The following EMP3 variants were observed in gnomAD, a reference collection of about 807,000 sequenced individuals.
The protein encoded by EMP3 is epithelial membrane protein 3.
A neutral mutation model predicts 21.6 loss-of-function variants in EMP3; 15 were observed. That is an observed-to-expected ratio of 0.69 (90% CI 0.46 to 1.07). The LOEUF (loss-of-function observed/expected upper bound fraction) is 1.07, where lower values mean the gene tolerates loss of function less well. EMP3 is among the 50% of genes least tolerant of loss of function. The pLI, the probability that EMP3 is intolerant of heterozygous loss-of-function variation, is 0.00. For synonymous variants in EMP3, 107 were observed against 86.1 expected (o/e 1.24, Z -1.34); for missense variants, 183 against 206.6 (o/e 0.89, Z 0.70).
At position 48,330,353 on chromosome 19, in the gene EMP3, C is replaced by T. The variant is rs748160340; in HGVS notation, c.375C>T (p.Ile125=). ...TCTATGCCATTCACGCCGAGGAGATCCTGGAGAAGCACCCGCGAGGGGGCA... is the reference window on the plus strand; with the variant it reads ...TCTATGCCATTCACGCCGAGGAGATTCTGGAGAAGCACCCGCGAGGGGGCA... ...ALIYAIHAEE[I]LEKHPRGGSF... The change falls in exon 5 of 5, where the codon ATC becomes ATT. Residue 125 remains isoleucine, a synonymous_variant. Coordinates refer to ENST00000270221, the MANE Select transcript of EMP3 (RefSeq NM_001425.3). The T allele has an allele frequency of 6.2e-7, 1 of 1,607,512 alleles. No individual in the cohort carries two copies. Among genetic ancestry groups the T allele is most frequent in the African/African-American group, 1.3e-5 (1 of 74,358 alleles).
At position 48,326,866 on chromosome 19, in the gene EMP3, G is replaced by A. The variant is rs773843651; in HGVS notation, c.22G>A (p.Val8Ile). 1.6e-4 allele frequency: 253 copies of A among 1,613,858 alleles called. 1 individual carries two copies. The highest frequency in any genetic ancestry group is 2.1e-4 in the Non-Finnish European group (246 of 1,179,990). ...AGCCATGTCACTCCTCTTGCTGGTG[G>A]TCTCAGCCCTTCACATCCTCATTCT... MSLLLLVVSALHILILIL... is the reference protein window; with the variant it reads MSLLLLVISALHILILIL... Residue 8 changes from valine to isoleucine, a missense_variant, in exon 2 of 5, where the codon GTC becomes ATC. Coordinates refer to ENST00000270221, the MANE Select transcript of EMP3 (RefSeq NM_001425.3).
At position 48,326,886 on chromosome 19, in the gene EMP3, C is replaced by A; in HGVS notation, c.42C>A (p.Leu14=). ...TGGTGGTCTCAGCCCTTCACATCCT[C>A]ATTCTTATACTGCTTTTCGTGGCCA... ...LLLVVSALHI[L]ILILLFVATL... Residue 14 remains leucine, a synonymous_variant, in exon 2 of 5, where the codon CTC becomes CTA. Transcript: ENST00000270221. The A allele has an allele frequency of 6.2e-7, 1 of 1,614,120 alleles. No individual in the cohort carries two copies. The highest frequency in any genetic ancestry group is 8.5e-7 in the Non-Finnish European group (1 of 1,179,996).
Position 48,329,531 on chromosome 19 carries a change from T to C in EMP3, c.322+39T>C, listed in dbSNP as rs749027280. ...CTCCCCAACCCTAATCCCCCAAGAA[T>C]TGAGCAGAAGGGAGTGGGGTGTGTC... On this transcript the variant is annotated intron_variant, in intron 4 of 4. Transcript: ENST00000270221. This position sits in a 1 kb window ranked among gnomAD's most constrained non-coding sequence, Gnocchi z 4.5. The C allele has an allele frequency of 6.2e-7, 1 of 1,612,122 alleles. No homozygotes were observed. The highest frequency in any genetic ancestry group is 8.5e-7 in the Non-Finnish European group (1 of 1,178,760).
In EMP3 at chr19:48,330,501, C is replaced by T; in HGVS notation, c.*31C>T. ...CCGCCTCGCTCGGCTGCCCCCGCCC[C>T]TTCCCGGCCCCCCTCGCCGCGCGTC... On this transcript the variant is annotated 3_prime_UTR_variant, in exon 5 of 5. Coordinates refer to ENST00000270221, the MANE Select transcript of EMP3 (RefSeq NM_001425.3). The T allele has an allele frequency of 6.5e-7, 1 of 1,537,584 alleles. No homozygotes were observed.
chr19:48,326,799 T>G, intron 1 of EMP3, 31 bp from the exon 2 acceptor site: 1 of 1,596,208 alleles, frequency 6.3e-7, no homozygotes, highest in African/African-American at 1.3e-5. Flanking sequence ...GCCAACCTCT[T>G]GAGACTCCGT....
At position 48,326,836 on chromosome 19, in the gene EMP3, A is replaced by T. The variant is rs1319503037; in HGVS notation, c.-9A>T. ...CCCTGCTCCCCCTCCCCAGGCTTCC[A>T]CTGCAGCCATGTCACTCCTCTTGCT... On this transcript the variant is annotated 5_prime_UTR_variant, in exon 2 of 5. Transcript: ENST00000270221. The T allele has an allele frequency of 6.2e-7, 1 of 1,613,094 alleles. No homozygotes were observed. Among genetic ancestry groups the T allele is most frequent in the Admixed American group, 1.7e-5 (1 of 59,948 alleles).
rs147560109 is a variant in EMP3 at position 48,330,463 on chromosome 19, G to C, written c.485G>C (p.Arg162Pro). 5 of 1,579,620 alleles carry C rather than the reference G, an allele frequency of 3.2e-6. No homozygotes were observed. In the South Asian group the frequency reaches 5.7e-5, roughly 18 times the overall value. ...ATCATCTACATCCACCTACGGAAGC[G>C]GGAGTGAGCGCCCCGCCTCGCTCGG... ...SGIIYIHLRK[R>P]E is the part of the protein sequence containing the mutation. Residue 162 changes from arginine to proline, a missense_variant, in exon 5 of 5, where the codon CGG (arginine) becomes CCG (proline). Arg to Pro is a moderately radical substitution (Grantham distance 103). Transcript: ENST00000270221.
Position 48,329,870 on chromosome 19 carries a change from T to C in EMP3, c.322+378T>C, listed in dbSNP as rs984160841. Among the ~76,000 whole-genome samples the C allele has an allele frequency of 1.1e-4, 17 of 152,160 alleles. No individual in the cohort carries two copies. The highest frequency in any genetic ancestry group is 4.1e-4 in the African/African-American group (17 of 41,402). On this transcript the variant is annotated intron_variant, in intron 4 of 4. Transcript: ENST00000270221. This position sits in a 1 kb window ranked among gnomAD's most constrained non-coding sequence, Gnocchi z 4.5. ...TAAATCATAATAATAATGGTATTTATATCAGCCAACCGCTGTTTCTTGCGT... is the reference window on the plus strand; with the variant it reads ...TAAATCATAATAATAATGGTATTTACATCAGCCAACCGCTGTTTCTTGCGT...
rs183652438 is a variant in EMP3 at position 48,327,371 on chromosome 19, C to G, written c.79-150C>G. 231 of 644,372 alleles carry G rather than the reference C, an allele frequency of 3.6e-4. 1 individual carries two copies. The East Asian group carries it at 4.7e-3, about 13-fold the overall frequency. The allele number at this position is 644,372 out of a possible 1,614,324, so 39.9% of individuals were successfully genotyped here. On this transcript the variant is annotated intron_variant, in intron 2 of 4. Coordinates refer to ENST00000270221, the MANE Select transcript of EMP3 (RefSeq NM_001425.3). ...CCGATGCCTCCTCCCTGTCCTGACC[C>G]TACCCCCTCTCATATTAAATCCTAA...
rs1569018233 is a variant in EMP3 at position 48,329,308 on chromosome 19, C to T, written c.182-44C>T. ...TGAGCAAGCAGGTGAAGCTGGAACTCTGGACCCACGGTGATGTCCCCCTCT... is the reference window on the plus strand; with the variant it reads ...TGAGCAAGCAGGTGAAGCTGGAACTTTGGACCCACGGTGATGTCCCCCTCT... On this transcript the variant is annotated intron_variant, in intron 3 of 4. Coordinates refer to ENST00000270221, the MANE Select transcript of EMP3 (RefSeq NM_001425.3). This position sits in a 1 kb window ranked among gnomAD's most constrained non-coding sequence, Gnocchi z 4.5. 1 of 1,611,610 alleles carries T rather than the reference C, an allele frequency of 6.2e-7. No individual in the cohort carries two copies. The highest frequency in any genetic ancestry group is 2.2e-5 in the East Asian group (1 of 44,866).
At position 48,329,437 on chromosome 19, in the gene EMP3, C is replaced by T. The variant is rs1969172560; in HGVS notation, c.267C>T (p.Tyr89=). 1.2e-6 allele frequency: 2 copies of T among 1,614,086 alleles called. No individual in the cohort carries two copies. The highest frequency in any genetic ancestry group is 1.7e-6 in the Non-Finnish European group (2 of 1,180,050). ...LSFILFMFQL[Y]TMRRGGLFYA... ...TCATCCTGTTCATGTTCCAGCTCTA[C>T]ACCATGCGACGAGGAGGTCTCTTCT... The change falls in exon 4 of 5, where the codon TAC becomes TAT. Residue 89 remains tyrosine, a synonymous_variant. Coordinates refer to ENST00000270221, the MANE Select transcript of EMP3 (RefSeq NM_001425.3). This position sits in a 1 kb window ranked among gnomAD's most constrained non-coding sequence, Gnocchi z 4.5.
In EMP3 at chr19:48,330,551, C is replaced by T. The variant is rs772609897; in HGVS notation, c.*81C>T. Reference sequence around the variant, plus strand: ...CCTCCAAAAAATAAAACCTTAACCGCGGGCTCTGCCTTGATCTTCCTTCCT... The same window carrying T: ...CCTCCAAAAAATAAAACCTTAACCGTGGGCTCTGCCTTGATCTTCCTTCCT... On this transcript the variant is annotated 3_prime_UTR_variant, in exon 5 of 5. Coordinates refer to ENST00000270221, the MANE Select transcript of EMP3 (RefSeq NM_001425.3). 7.8e-7 allele frequency: 1 copy of T among 1,287,648 alleles called. No homozygotes were observed. The allele number at this position is 1,287,648 out of a possible 1,614,324, so 79.8% of individuals were successfully genotyped here.
chr19:48,329,508 C>T lies in EMP3; in HGVS notation c.322+16C>T. ...CTTTGCACCAGTGAGCACTGCCCCT[C>T]CCCAACCCTAATCCCCCAAGAATTG... On this transcript the variant is annotated intron_variant, in intron 4 of 4. Transcript: ENST00000270221. The surrounding 1 kb of genome is among the most constrained non-coding windows in gnomAD (Gnocchi z 4.5). The T allele has an allele frequency of 6.2e-7, 1 of 1,613,820 alleles. No individual in the cohort carries two copies. Among genetic ancestry groups the T allele is most frequent in the South Asian group, 1.1e-5 (1 of 91,054 alleles).
chr19:48,330,164 G>GC (rs900693729), intron 4 of EMP3, 137 bp from the exon 5 acceptor site: 2 of 1,245,644 alleles, frequency 1.6e-6, no homozygotes, highest in African/African-American at 3.6e-5. Flanking sequence ...GGCGCTGGGC[G>GC]GGGGGGAAAG....
In EMP3 at chr19:48,329,602, A is replaced by C; in HGVS notation, c.322+110A>C. The C allele has an allele frequency of 1.4e-6, 2 of 1,383,408 alleles. No individual in the cohort carries two copies. Among genetic ancestry groups the C allele is most frequent in the Non-Finnish European group, 9.8e-7 (1 of 1,025,600 alleles). The allele number at this position is 1,383,408 out of a possible 1,614,324, so 85.7% of individuals were successfully genotyped here. ...AATGGGCCTCTCGTAGAAAAAAACA[A>C]CTTTCAACACCCCACGAGCCACAAG... is the stretch of plus-strand genomic sequence containing the variant. On this transcript the variant is annotated intron_variant, in intron 4 of 4. Coordinates refer to ENST00000270221, the MANE Select transcript of EMP3 (RefSeq NM_001425.3). This position sits in a 1 kb window ranked among gnomAD's most constrained non-coding sequence, Gnocchi z 4.5.
chr19:48,329,243 C>T lies in EMP3; in HGVS notation c.182-109C>T. 1 of 1,422,624 alleles carries T rather than the reference C, an allele frequency of 7.0e-7. No homozygotes were observed. Among genetic ancestry groups the T allele is most frequent in the Non-Finnish European group, 9.6e-7 (1 of 1,038,232 alleles). The allele number at this position is 1,422,624 out of a possible 1,614,324, so 88.1% of individuals were successfully genotyped here. On this transcript the variant is annotated intron_variant, in intron 3 of 4. Coordinates refer to ENST00000270221, the MANE Select transcript of EMP3 (RefSeq NM_001425.3). The surrounding 1 kb of genome is among the most constrained non-coding windows in gnomAD (Gnocchi z 4.5). ...TCTAAGTATCTAGGCTTGTATGGGC[C>T]TAAACGGGAGCAGGGATGGGGCAGA...
intron 2 of EMP3, 86 bp from the exon 3 acceptor site, chr19:48,327,435 T>G: frequency 1.0e-6 from 1 of 987,648 alleles, no homozygotes; most frequent in Non-Finnish European, 1.6e-6. Flanking sequence ...ACCCTGCCCT[T>G]TTCCCAGCCC....
rs951431133 is a variant in EMP3, at chr19:48,329,850, C to A, written c.322+358C>A. Among the ~76,000 whole-genome samples, 10 of 152,132 alleles carry A rather than the reference C, an allele frequency of 6.6e-5. No individual in the cohort carries two copies. The highest frequency in any genetic ancestry group is 1.3e-4 in the Admixed American group (2 of 15,274). ...AGTACCTCAGTAGAGAGCTCTAAAT[C>A]ATAATAATAATGGTATTTATATCAG... On this transcript the variant is annotated intron_variant, in intron 4 of 4. Transcript: ENST00000270221. This position sits in a 1 kb window ranked among gnomAD's most constrained non-coding sequence, Gnocchi z 4.5.
chr19:48,327,437 T>C (rs1483356832), intron 2 of EMP3, 84 bp from the exon 3 acceptor site: 2 of 996,018 alleles, frequency 2.0e-6, no homozygotes, highest in Non-Finnish European at 1.6e-6. Context: ...CCTGCCCTTT[T>C]CCCAGCCCTT....
Sources: gnomAD v4.1 joint callset for allele counts (sites outside exome capture counted in the v4.1 genomes callset) on GRCh38, gnomAD v4.1.1 for gene constraint, Gnocchi (gnomAD v3.1) non-coding constraint, MANE v1.5 for transcripts, NCBI Gene and HGNC (gene_info 2026-07-23, HGNC 2026-07-21) for gene names.